Variants in SH2D4A observed in about 807,000 individuals in gnomAD.
SH2D4A encodes the protein SH2 domain-containing protein 4A.
Under a neutral mutation model 64.7 loss-of-function variants are expected in SH2D4A, and 70 were observed. The observed-to-expected ratio is 1.08, with a 90% CI of 0.89 to 1.32. The LOEUF is 1.32. SH2D4A is among the 40% of genes most tolerant of loss of function. SH2D4A has a pLI of 0.00. For synonymous variants in SH2D4A, 268 were observed against 200.7 expected, an observed-to-expected ratio of 1.34 and a Z score of -2.83; for missense variants, 706 against 540.1, an observed-to-expected ratio of 1.31 and a Z score of -3.04.
In SH2D4A at chr8:19,361,677, A is replaced by C. The variant is rs569168498; in HGVS notation, c.706+363A>C. ...AGAATGAAAAGCTTCGCTATTTAGAAATGTCTAAGTATCTGAAGGAAAAGA... is the reference window on the plus strand; with the variant it reads ...AGAATGAAAAGCTTCGCTATTTAGACATGTCTAAGTATCTGAAGGAAAAGA... On this transcript the variant is annotated intron_variant, in intron 6 of 9. Transcript: ENST00000265807. Among the ~76,000 whole-genome samples, 4 of 152,348 alleles carry C rather than the reference A, an allele frequency of 2.6e-5. No individual in the cohort carries two copies. In the South Asian group the frequency reaches 8.3e-4, roughly 32 times the overall value.
chr8:19,367,071 T>C (rs1349495782), intron 7 of SH2D4A, among the ~76,000 whole-genome samples: 1 of 152,174 alleles, frequency 6.6e-6, no homozygotes, highest in African/African-American at 2.4e-5. Flanking sequence ...TTTTTTTTAT[T>C]GCAAATGACA....
At chr8:19,394,305 C>T (rs1043568640) in intron 9 of SH2D4A, among the ~76,000 whole-genome samples, 1 of 152,184 alleles carries the variant, frequency 6.6e-6, no homozygotes, top group Non-Finnish European at 1.5e-5. Context: ...TGGTACTGGT[C>T]CATGGCCCTG....
At chr8:19,316,366 C>T (rs2052088568) in intron 1 of SH2D4A, among the ~76,000 whole-genome samples, 1 of 152,180 alleles carries the variant, frequency 6.6e-6, no homozygotes, top group African/African-American at 2.4e-5. Flanking sequence ...GTGCCATGAA[C>T]CTCCTTGCAC....
At position 19,313,710 on chromosome 8, in the gene SH2D4A, C is replaced by T. The variant is rs1347926837; in HGVS notation, c.-318C>T. 6.7e-7 allele frequency: 1 copy of T among 1,484,934 alleles called. No individual in the cohort carries two copies. The highest frequency in any genetic ancestry group is 9.0e-7 in the Non-Finnish European group (1 of 1,114,212). 92.0% of individuals were successfully genotyped at this position (1,484,934 alleles called of 1,614,324 possible). ...GGGCCGGAGTATTTGCTCAGCCCGC[C>T]TGCGCCGCTTGGGACGCCTCTGCCT... On this transcript the variant is annotated 5_prime_UTR_variant, in exon 1 of 10. Coordinates refer to ENST00000265807, the MANE Select transcript of SH2D4A (RefSeq NM_022071.4).
At chr8:19,317,543 C>T (rs750383917) in intron 1 of SH2D4A, among the ~76,000 whole-genome samples, 4 of 152,036 alleles carry the variant, frequency 2.6e-5, no homozygotes, top group East Asian at 1.9e-4. Flanking sequence ...GAACAGTCAG[C>T]GAATCTAAGA....
chr8:19,365,378 C>G (rs559988821), intron 7 of SH2D4A, among the ~76,000 whole-genome samples: 35 of 152,292 alleles, frequency 2.3e-4, no homozygotes, highest in Admixed American at 5.9e-4. Context: ...AATGATTCTT[C>G]TCTTACCGAC....
chr8:19,394,721 A>C lies in SH2D4A; in HGVS notation c.*79A>C. On this transcript the variant is annotated 3_prime_UTR_variant, in exon 10 of 10. Transcript: ENST00000265807. ...ATGCCACTGCAACATTTATGTGTGA[A>C]GCCAAAATCACCCTGCAGCAGAGCC... The C allele has an allele frequency of 1.8e-6, 2 of 1,090,902 alleles. No individual in the cohort carries two copies. Among genetic ancestry groups the C allele is most frequent in the Non-Finnish European group, 2.6e-6 (2 of 762,254 alleles). The allele number at this position is 1,090,902 out of a possible 1,614,324, so 67.6% of individuals were successfully genotyped here.
chr8:19,354,703 G>A (rs2052761984), intron 4 of SH2D4A, among the ~76,000 whole-genome samples: 1 of 152,242 alleles, frequency 6.6e-6, no homozygotes. Flanking sequence ...GAATAACTGA[G>A]GGATGGAGGA....
chr8:19,343,722 GT>G, intron 4 of SH2D4A, among the ~76,000 whole-genome samples: 1 of 152,296 alleles, frequency 6.6e-6, no homozygotes, highest in Non-Finnish European at 1.5e-5. Flanking sequence ...ATCCGTCAAG[GT>G]TTAATCTGTG....
intron 9 of SH2D4A, among the ~76,000 whole-genome samples, chr8:19,394,011 G>A (rs185787819): frequency 1.2e-4 from 15 of 120,608 alleles, no homozygotes; most frequent in Non-Finnish European, 1.9e-4. Context: ...TGGGAGCCCC[G>A]AACTTGTTTT....
intron 3 of SH2D4A, among the ~76,000 whole-genome samples, chr8:19,333,537 C>T (rs1159749203): frequency 6.6e-6 from 1 of 152,110 alleles, no homozygotes; most frequent in Non-Finnish European, 1.5e-5. Flanking sequence ...AGTGACTGTG[C>T]AAGCTTCAGG....
Position 19,313,793 on chromosome 8 carries a change from G to A in SH2D4A, c.-235G>A, listed in dbSNP as rs768149406. The A allele has an allele frequency of 2.1e-5, 31 of 1,511,682 alleles. 1 individual carries two copies. The highest frequency in any genetic ancestry group is 5.7e-5 in the African/African-American group (4 of 69,956). 93.6% of individuals were successfully genotyped at this position (1,511,682 alleles called of 1,614,324 possible). A position where few individuals can be genotyped will look rare whatever the true frequency, so the allele number is the denominator to read the frequency against. On this transcript the variant is annotated 5_prime_UTR_variant, in exon 1 of 10. Coordinates refer to ENST00000265807, the MANE Select transcript of SH2D4A (RefSeq NM_022071.4). ...GGCCAAGTGGATGTGGCGGGTGATC[G>A]AGCCACCCTGCCCAGGGGCGCCCAG...
At chr8:19,336,789 C>T (rs1035260419) in intron 4 of SH2D4A, among the ~76,000 whole-genome samples, 35 of 151,994 alleles carry the variant, frequency 2.3e-4, no homozygotes, top group African/African-American at 7.0e-4. Flanking sequence ...ATCGATTGAG[C>T]CCAGGAATTT....
chr8:19,349,893 G>A (rs1259185834), intron 4 of SH2D4A, among the ~76,000 whole-genome samples: 3 of 152,028 alleles, frequency 2.0e-5, no homozygotes, highest in African/African-American at 7.2e-5. Context: ...TAGTAGAGAC[G>A]GGGCTTCACC....
At chr8:19,354,202 T>G (rs1296826548) in intron 4 of SH2D4A, among the ~76,000 whole-genome samples, 1 of 152,018 alleles carries the variant, frequency 6.6e-6, no homozygotes, top group East Asian at 1.9e-4. Flanking sequence ...GGTTTCACCA[T>G]GTGGGCCAGA....
chr8:19,320,373 T>C (rs1194328705), intron 2 of SH2D4A, among the ~76,000 whole-genome samples: 1 of 152,070 alleles, frequency 6.6e-6, no homozygotes, highest in Non-Finnish European at 1.5e-5. Context: ...ATGCCTGTCA[T>C]TGCAGCACTT....
chr8:19,318,684 A>T (rs74661473), intron 1 of SH2D4A, among the ~76,000 whole-genome samples: 6,408 of 152,312 alleles, frequency 0.042, 156 homozygotes, highest in African/African-American at 0.048. Context: ...GACCTTCCAG[A>T]ATGTAGATGG....
At chr8:19,379,812 C>T (rs985753580) in intron 8 of SH2D4A, among the ~76,000 whole-genome samples, 11 of 152,172 alleles carry the variant, frequency 7.2e-5, no homozygotes, top group Non-Finnish European at 1.6e-4. Flanking sequence ...TTAGAGCTCA[C>T]TGCAGTCTCA....
At chr8:19,358,948 C>G (rs13439427) in intron 5 of SH2D4A, among the ~76,000 whole-genome samples, 38,847 of 152,044 alleles carry the variant, frequency 0.26, 5,958 homozygotes, top group African/African-American at 0.43. Context: ...TCGGCCCCTC[C>G]GCCCCTCCAC....
Sources: allele counts gnomAD v4.1 joint callset (sites outside exome capture counted in the v4.1 genomes callset), GRCh38; gene constraint gnomAD v4.1.1; transcripts MANE v1.5; gene names NCBI Gene and HGNC (gene_info 2026-07-23, HGNC 2026-07-21).